Variants in NSD1 observed in about 807,000 individuals in gnomAD.
The protein encoded by NSD1 is nuclear receptor binding SET domain protein 1, also known as histone-lysine N-methyltransferase, H3 lysine-36 specific.
A neutral mutation model predicts 242.7 loss-of-function variants in NSD1; 26 were observed. That is an observed-to-expected ratio of 0.11 (90% CI 0.08 to 0.15). The LOEUF is 0.15. NSD1 is among the 10% of genes least tolerant of loss of function. NSD1 has a pLI of 1.00. For synonymous variants in NSD1, 1,106 were observed against 1,178.1 expected, an observed-to-expected ratio of 0.94 and a Z score of 1.25; for missense variants, 2,495 against 3,272.8, an observed-to-expected ratio of 0.76 and a Z score of 5.80.
chr5:177,178,228 T>C (rs569125169), intron 2 of NSD1, among the ~76,000 whole-genome samples: 1 of 152,060 alleles, frequency 6.6e-6, no homozygotes, highest in African/African-American at 2.4e-5. Context: ...TTTGATTGAT[T>C]GATTGATTGA....
rs1292687166 is a variant in NSD1, at chr5:177,294,371, C to T, written c.7003C>T (p.Pro2335Ser). Residue 2335 changes from proline to serine, a missense_variant, in exon 23 of 23, where the codon CCA becomes TCA. Physicochemically the swap from Pro to Ser is moderately conservative, Grantham distance 74. Coordinates refer to ENST00000439151, the MANE Select transcript of NSD1 (RefSeq NM_022455.5). Reference protein sequence around the residue: ...PRPQLSDKPSPVTSPSSSPSV... With the variant: ...PRPQLSDKPSSVTSPSSSPSV... ...ACCCCAGCTAAGCGACAAACCCTCT[C>T]CAGTGACCAGCCCAAGCTCCTCACC... is the stretch of plus-strand genomic sequence containing the variant. The T allele has an allele frequency of 8.7e-6, 14 of 1,614,212 alleles. No homozygotes were observed. Among genetic ancestry groups the T allele is most frequent in the Non-Finnish European group, 1.1e-5 (13 of 1,180,046 alleles).
intron 5 of NSD1, among the ~76,000 whole-genome samples, chr5:177,234,756 A>G (rs898176219): frequency 6.6e-6 from 1 of 152,078 alleles, no homozygotes; most frequent in East Asian, 1.9e-4. Flanking sequence ...CTTCTAGACA[A>G]TACTCGTTGT....
At chr5:177,181,118 A>T (rs1464526906) in intron 2 of NSD1, among the ~76,000 whole-genome samples, 1 of 150,058 alleles carries the variant, frequency 6.7e-6, no homozygotes, top group Non-Finnish European at 1.5e-5. Flanking sequence ...AGCTCACTGC[A>T]AACTCCGCCT....
At chr5:177,239,233 AAG>A (rs1765672123) in intron 7 of NSD1, among the ~76,000 whole-genome samples, 1 of 152,242 alleles carries the variant, frequency 6.6e-6, no homozygotes, top group African/African-American at 2.4e-5. Context: ...TATAATAAAA[AAG>A]ATTTTTGAAA....
At chr5:177,163,166 G>A (rs1237164382) in intron 2 of NSD1, among the ~76,000 whole-genome samples, 12 of 142,534 alleles carry the variant, frequency 8.4e-5, no homozygotes, top group Non-Finnish European at 1.7e-4. Context: ...TTTTTGAGAC[G>A]GAGTCTCGTT....
intron 2 of NSD1, among the ~76,000 whole-genome samples, chr5:177,173,782 C>T (rs1759932821): frequency 6.6e-6 from 1 of 152,058 alleles, no homozygotes; most frequent in Non-Finnish European, 1.5e-5. Flanking sequence ...TACTATCTGG[C>T]TCTTATACAG....
intron 6 of NSD1, among the ~76,000 whole-genome samples, chr5:177,236,806 A>G (rs1419457808): frequency 6.6e-6 from 1 of 152,236 alleles, no homozygotes; most frequent in Non-Finnish European, 1.5e-5. Context: ...GGGTTAAAAA[A>G]TGTTTTATTC....
At position 177,257,015 on chromosome 5, in the gene NSD1, G is replaced by A; in HGVS notation, c.4830G>A (p.Leu1610=). Residue 1610 remains leucine (L), a synonymous_variant, in exon 13 of 23, where the codon TTG becomes TTA. Coordinates refer to ENST00000439151, the MANE Select transcript of NSD1 (RefSeq NM_022455.5). ...ATGTTAAAAGGTGCCTTCTACCCTT[G>A]TGTGGAAAGTTTTACCATGAAGAGT... is the stretch of plus-strand genomic sequence containing the variant. ...GEDVKRCLLP[L]CGKFYHEECV... is the part of the protein sequence containing the mutation. 1 of 1,614,070 alleles carries A rather than the reference G, an allele frequency of 6.2e-7. No homozygotes were observed. The highest frequency in any genetic ancestry group is 1.1e-5 in the South Asian group (1 of 91,080).
intron 3 of NSD1, among the ~76,000 whole-genome samples, chr5:177,202,059 T>A (rs979293356): frequency 6.6e-6 from 1 of 151,918 alleles, no homozygotes; most frequent in Non-Finnish European, 1.5e-5. Flanking sequence ...TTCCAGCTAC[T>A]TGGGAGGCTG....
Position 177,295,148 on chromosome 5 carries a change from G to A in NSD1, c.7780G>A (p.Ala2594Thr), listed in dbSNP as rs146010779. Reference sequence around the variant, plus strand: ...AGGCCAGCAACTACCTGCACTTGCCGCCAAGAGTGGGCAATCTTTTAGGTC... The same window carrying A: ...AGGCCAGCAACTACCTGCACTTGCCACCAAGAGTGGGCAATCTTTTAGGTC... ...VGGQQLPALA[A>T]KSGQSFRSLG... Residue 2594 changes from alanine (A) to threonine (T), a missense_variant, in exon 23 of 23, where the codon GCC (alanine) becomes ACC (threonine). By Grantham distance (58) the Ala-to-Thr change is moderately conservative. This residue lies in a region of NSD1 where 475 missense variants were observed against 563.7 expected (regional missense o/e 0.84). Transcript: ENST00000439151. This position sits in a 1 kb window ranked among gnomAD's most constrained non-coding sequence, Gnocchi z 4.3. 81 of 1,614,110 alleles carry A rather than the reference G, an allele frequency of 5.0e-5. No homozygotes were observed. The East Asian group carries it at 7.8e-4, about 16-fold the overall frequency.
chr5:177,160,699 GC>G (rs1380002760), intron 2 of NSD1, among the ~76,000 whole-genome samples: 3 of 152,212 alleles, frequency 2.0e-5, no homozygotes, highest in African/African-American at 7.2e-5. Context: ...AACTGGGACA[GC>G]CCTTTTATTT....
chr5:177,269,955 G>A lies in NSD1; in HGVS notation c.5509+148G>A. 1 of 657,674 alleles carries A rather than the reference G, an allele frequency of 1.5e-6. No individual in the cohort carries two copies. Among genetic ancestry groups the A allele is most frequent in the Non-Finnish European group, 2.6e-6 (1 of 390,720 alleles). The allele number at this position is 657,674 out of a possible 1,614,324, so 40.7% of individuals were successfully genotyped here. A position where few individuals can be genotyped will look rare whatever the true frequency, so the allele number is the denominator to read the frequency against. ...GGCTGCAAATACAGTATTTTGCAAG[G>A]AAGTTGACCCATGTAACTCATTATT... On this transcript the variant is annotated intron_variant, in intron 16 of 22. Coordinates refer to ENST00000439151, the MANE Select transcript of NSD1 (RefSeq NM_022455.5). The surrounding 1 kb of genome is among the most constrained non-coding windows in gnomAD (Gnocchi z 5.1).
chr5:177,217,289 C>T (rs1763850498), intron 5 of NSD1, among the ~76,000 whole-genome samples: 1 of 151,794 alleles, frequency 6.6e-6, no homozygotes, highest in East Asian at 1.9e-4. Flanking sequence ...TTTTAATTTC[C>T]TTTTATATTG....
intron 17 of NSD1, among the ~76,000 whole-genome samples, chr5:177,276,287 A>T (rs1024540998): frequency 2.0e-5 from 3 of 151,996 alleles, no homozygotes; most frequent in Non-Finnish European, 1.5e-5. Flanking sequence ...AAGACCTCTA[A>T]AAAGGGATAA....
intron 18 of NSD1, among the ~76,000 whole-genome samples, chr5:177,281,809 C>T (rs577036719): frequency 6.6e-6 from 1 of 152,216 alleles, no homozygotes; most frequent in Non-Finnish European, 1.5e-5. Context: ...CGCATCACCA[C>T]GCCTGGCTAA....
rs1381464155 is a variant in NSD1, at chr5:177,248,338, T to A, written c.4641+14T>A. On this transcript the variant is annotated intron_variant, in intron 11 of 22. Coordinates refer to ENST00000439151, the MANE Select transcript of NSD1 (RefSeq NM_022455.5). ...AATGTCTGTCAGGTAGAGAAATGTT[T>A]GCCCACTTGTGTTTTCATTGCATGT... 1 of 1,612,154 alleles carries A rather than the reference T, an allele frequency of 6.2e-7. No individual in the cohort carries two copies. The highest frequency in any genetic ancestry group is 1.1e-5 in the South Asian group (1 of 90,646).
intron 22 of NSD1, 69 bp from the exon 23 acceptor site, chr5:177,293,763 G>A: frequency 6.4e-7 from 1 of 1,558,408 alleles, no homozygotes; most frequent in Admixed American, 1.7e-5. Flanking sequence ...TCGGACTGTA[G>A]CATAGCCTTG....
intron 2 of NSD1, among the ~76,000 whole-genome samples, chr5:177,146,270 A>G (rs1397281653): frequency 6.8e-6 from 1 of 147,446 alleles, no homozygotes; most frequent in African/African-American, 2.6e-5. Flanking sequence ...CAGTGGCTCA[A>G]TCTCGGCTCA....
intron 2 of NSD1, chr5:177,169,744 T>G (rs1759531490): frequency 6.6e-6 from 1 of 152,144 alleles, no homozygotes; most frequent in Non-Finnish European, 1.5e-5. Flanking sequence ...AAAAATAACA[T>G]AAAGCAAGAA....
Sources: gnomAD v4.1 joint callset for allele counts (sites outside exome capture counted in the v4.1 genomes callset) on GRCh38, gnomAD v4.1.1 for gene constraint, gnomAD v4.1.1 regional missense constraint, Gnocchi (gnomAD v3.1) non-coding constraint, MANE v1.5 for transcripts, NCBI Gene and HGNC (gene_info 2026-07-23, HGNC 2026-07-21) for gene names.